SGCD: variants seen among roughly 807,000 people sequenced by gnomAD.
The protein encoded by SGCD is sarcoglycan delta.
In SGCD, 18 loss-of-function variants were observed where a neutral mutation model predicts 36.6. The ratio of observed to expected loss-of-function variants is 0.49; its 90% CI spans 0.34 to 0.73. The LOEUF is 0.73. Ranked by LOEUF, SGCD falls within the 30% of genes least tolerant of loss-of-function variation. The probability of loss-of-function intolerance (pLI) is 0.01; values close to 1 mark genes in which losing one functional copy is unlikely to be tolerated. For synonymous variants in SGCD, 133 were observed against 130.6 expected, an observed-to-expected ratio of 1.02 and a Z score of -0.12; for missense variants, 387 against 346.7, an observed-to-expected ratio of 1.12 and a Z score of -0.92.
the SGCD span, among the ~76,000 whole-genome samples, chr5:155,809,427 A>G: frequency 1.3e-5 from 2 of 152,226 alleles, no homozygotes; most frequent in Non-Finnish European, 2.9e-5. Flanking sequence ...GTCTGGAGGT[A>G]TGTCTCGCTA....
intron 3 of SGCD, among the ~76,000 whole-genome samples, chr5:156,372,830 C>T (rs1770460281): frequency 6.6e-6 from 1 of 151,996 alleles, no homozygotes; most frequent in South Asian, 2.1e-4. Context: ...ATTTTTTGTT[C>T]TAAATACATG....
intron 3 of SGCD, among the ~76,000 whole-genome samples, chr5:156,428,544 G>A (rs553338968): frequency 6.3e-4 from 96 of 151,608 alleles, no homozygotes; most frequent in Non-Finnish European, 1.2e-3. Context: ...ATTTAGTTCT[G>A]CTCTGATCCT....
intron 3 of SGCD, among the ~76,000 whole-genome samples, chr5:156,130,878 C>G (rs1400865674): frequency 6.6e-6 from 1 of 152,068 alleles, no homozygotes; most frequent in Admixed American, 6.6e-5. Flanking sequence ...AGGAGCCCAC[C>G]ACCATGCCTG....
chr5:155,857,746 C>G, the SGCD span, among the ~76,000 whole-genome samples: 1 of 151,418 alleles, frequency 6.6e-6, no homozygotes, highest in Non-Finnish European at 1.5e-5. Context: ...ATTTATCTTT[C>G]TCTTTCTTTT....
chr5:156,440,687 A>T (rs1753448252), intron 3 of SGCD, among the ~76,000 whole-genome samples: 2 of 151,984 alleles, frequency 1.3e-5, no homozygotes, highest in South Asian at 2.1e-4. Context: ...TTGTGTTTTG[A>T]TTTGCATTTC....
At chr5:156,008,933 G>C (rs776916524) in intron 1 of SGCD, among the ~76,000 whole-genome samples, 2 of 152,160 alleles carry the variant, frequency 1.3e-5, no homozygotes, top group African/African-American at 4.8e-5. Flanking sequence ...TTATACAAGA[G>C]TCATATTTTA....
At chr5:155,812,232 G>A in the SGCD span, among the ~76,000 whole-genome samples, 1 of 152,166 alleles carries the variant, frequency 6.6e-6, no homozygotes, top group Non-Finnish European at 1.5e-5. Flanking sequence ...GCCCCACCAT[G>A]TGTCCATTTA....
intron 1 of SGCD, among the ~76,000 whole-genome samples, chr5:155,899,474 A>G (rs2113334522): frequency 6.6e-6 from 1 of 152,332 alleles, no homozygotes; most frequent in East Asian, 1.9e-4. Context: ...CAGAAGCATC[A>G]GCTGTAACCT....
chr5:156,458,807 C>A (rs991328556), intron 3 of SGCD, among the ~76,000 whole-genome samples: 6 of 152,088 alleles, frequency 3.9e-5, no homozygotes, highest in Non-Finnish European at 7.4e-5. Flanking sequence ...CATGGGAGAG[C>A]CTTTGTTAAG....
chr5:156,115,522 A>G (rs568863809), intron 1 of SGCD, among the ~76,000 whole-genome samples: 60 of 152,196 alleles, frequency 3.9e-4, no homozygotes, highest in African/African-American at 1.3e-3. Context: ...TCCCTACAAG[A>G]TGATATCCTC....
intron 6 of SGCD, among the ~76,000 whole-genome samples, chr5:156,602,644 T>C (rs1400661025): frequency 1.2e-4 from 19 of 152,196 alleles, no homozygotes; most frequent in Admixed American, 1.1e-3. Flanking sequence ...GATGAATTTC[T>C]TGCAATTGGA....
intron 3 of SGCD, among the ~76,000 whole-genome samples, chr5:156,192,730 A>G (rs370334540): frequency 6.6e-6 from 1 of 151,546 alleles, no homozygotes; most frequent in Non-Finnish European, 1.5e-5. Context: ...AAAATATCAC[A>G]TGTACCCCAT....
intron 3 of SGCD, among the ~76,000 whole-genome samples, chr5:156,251,221 C>G (rs930040429): frequency 6.6e-6 from 1 of 152,074 alleles, no homozygotes; most frequent in Non-Finnish European, 1.5e-5. Flanking sequence ...AGAATTTTTT[C>G]TCTCTCTCTT....
Position 156,440,438 on chromosome 5 carries a change from C to A in SGCD, c.193-68163C>A, listed in dbSNP as rs187333690. Among the ~76,000 whole-genome samples the A allele has an allele frequency of 8.5e-5, 13 of 152,214 alleles. No individual in the cohort carries two copies. The East Asian group carries it at 2.5e-3, about 29-fold the overall frequency. On this transcript the variant is annotated intron_variant, in intron 3 of 8. Coordinates refer to ENST00000337851, the MANE Select transcript of SGCD (RefSeq NM_000337.6). ...TGCTGCGATGAACAACATTTGTGTA[C>A]ACATTTCTGTATGGCATATGTTTTT...
At chr5:156,569,425 C>A (rs1759628591) in intron 4 of SGCD, among the ~76,000 whole-genome samples, 1 of 151,998 alleles carries the variant, frequency 6.6e-6, no homozygotes, top group Non-Finnish European at 1.5e-5. Context: ...AACCCTGTCT[C>A]TACTAAAAAT....
rs143883899 is a variant in SGCD at position 156,736,148 on chromosome 5, C to A, written c.576-21433C>A. On this transcript the variant is annotated intron_variant, in intron 7 of 8. Transcript: ENST00000337851. Reference sequence around the variant, plus strand: ...TTTCCTTGATTAGTCCCAGTGTTGACTGTCTGGATGTGTCAGTTGGCAGTG... The same window carrying A: ...TTTCCTTGATTAGTCCCAGTGTTGAATGTCTGGATGTGTCAGTTGGCAGTG... Among the ~76,000 whole-genome samples the A allele has an allele frequency of 2.6e-5, 4 of 152,284 alleles. No individual in the cohort carries two copies. The East Asian group carries it at 7.7e-4, about 29-fold the overall frequency.
At chr5:156,122,259 A>C (rs1165483718) in intron 2 of SGCD, among the ~76,000 whole-genome samples, 1 of 152,184 alleles carries the variant, frequency 6.6e-6, no homozygotes, top group Non-Finnish European at 1.5e-5. Context: ...CTATCAGTGA[A>C]GTGAAGTGCT....
At chr5:156,383,885 T>A (rs1021475618) in intron 3 of SGCD, among the ~76,000 whole-genome samples, 3 of 152,190 alleles carry the variant, frequency 2.0e-5, no homozygotes, top group Non-Finnish European at 1.5e-5. Flanking sequence ...TCAGAATATA[T>A]GTATATAATG....
chr5:156,028,134 A>G (rs1425379210), intron 1 of SGCD, among the ~76,000 whole-genome samples: 1 of 152,226 alleles, frequency 6.6e-6, no homozygotes, highest in Admixed American at 6.5e-5. Flanking sequence ...TCTCTAAAGA[A>G]GGCAATGGAG....
Sources: gnomAD v4.1 joint callset for allele counts (sites outside exome capture counted in the v4.1 genomes callset) on GRCh38, gnomAD v4.1.1 for gene constraint, MANE v1.5 for transcripts, NCBI Gene and HGNC (gene_info 2026-07-23, HGNC 2026-07-21) for gene names.